USP24: variants seen among roughly 807,000 people sequenced by gnomAD.
The protein encoded by USP24 is ubiquitin carboxyl-terminal hydrolase 24.
Under a neutral mutation model 361.6 loss-of-function variants are expected in USP24, and 97 were observed. The ratio of observed to expected loss-of-function variants is 0.27; its 90% CI spans 0.23 to 0.32. USP24 has a LOEUF of 0.32. Among genes scored for constraint, USP24 ranks in the 10% least tolerant of loss-of-function variants. The pLI is 1.00. For synonymous variants in USP24, 1,098 were observed against 1,124.6 expected, an observed-to-expected ratio of 0.98 and a Z score of 0.47; for missense variants, 2,353 against 3,165.6, an observed-to-expected ratio of 0.74 and a Z score of 6.16.
At chr1:55,078,096 T>C (rs1261292903) in intron 61 of USP24, among the ~76,000 whole-genome samples, 1 of 152,184 alleles carries the variant, frequency 6.6e-6, no homozygotes, top group African/African-American at 2.4e-5. Flanking sequence ...CCACTATAAA[T>C]ACTGGTGCAT....
At chr1:55,139,269 A>G (rs1030980311) in intron 24 of USP24, among the ~76,000 whole-genome samples, 16 of 152,176 alleles carry the variant, frequency 1.1e-4, no homozygotes, top group African/African-American at 3.6e-4. Context: ...TCATTTCTTT[A>G]AACAGTTATT....
At chr1:55,196,232 T>C (rs921023425) in intron 1 of USP24, among the ~76,000 whole-genome samples, 2 of 152,188 alleles carry the variant, frequency 1.3e-5, no homozygotes, top group Admixed American at 6.6e-5. Flanking sequence ...TTGCTGGTTC[T>C]GCCTTACCAC....
intron 1 of USP24, among the ~76,000 whole-genome samples, chr1:55,194,810 G>A (rs1316622484): frequency 1.3e-5 from 2 of 151,884 alleles, no homozygotes; most frequent in Admixed American, 6.6e-5. Context: ...CTGTGTCCTC[G>A]TCCCAGCCAG....
chr1:55,119,180 T>C (rs1646206575), intron 38 of USP24, among the ~76,000 whole-genome samples: 1 of 152,366 alleles, frequency 6.6e-6, no homozygotes, highest in South Asian at 2.1e-4. Flanking sequence ...TGTTCATCTA[T>C]GGATGAATGG....
intron 1 of USP24, among the ~76,000 whole-genome samples, chr1:55,205,173 A>T (rs1007486985): frequency 1.3e-5 from 2 of 152,232 alleles, no homozygotes; most frequent in African/African-American, 2.4e-5. Flanking sequence ...TGGCCAAAAA[A>T]GGGGCTCTAA....
At chr1:55,134,801 G>A (rs1390088595) in intron 28 of USP24, among the ~76,000 whole-genome samples, 3 of 152,168 alleles carry the variant, frequency 2.0e-5, no homozygotes, top group Non-Finnish European at 4.4e-5. Context: ...AAAGTAGTGT[G>A]TTTATGTATC....
intron 57 of USP24, among the ~76,000 whole-genome samples, 190 bp from the exon 58 acceptor site, chr1:55,083,554 A>G (rs188590812): frequency 2.0e-3 from 307 of 152,266 alleles, no homozygotes; most frequent in African/African-American, 6.8e-3. Flanking sequence ...AATAACTACT[A>G]AACAATTAAC....
At chr1:55,137,354 G>A (rs180782420) in intron 28 of USP24, among the ~76,000 whole-genome samples, 161 bp downstream of exon 28, 1 of 152,312 alleles carries the variant, frequency 6.6e-6, no homozygotes, top group African/African-American at 2.4e-5. Context: ...GTAACTGAAG[G>A]TGTAAGTGGG....
In USP24 at chr1:55,215,063, G is replaced by A. The variant is rs535453127; in HGVS notation, c.51C>T (p.Phe17=). The A allele has an allele frequency of 4.6e-5, 67 of 1,458,160 alleles. No individual in the cohort carries two copies. In the Admixed American group the frequency reaches 1.3e-3, roughly 27 times the overall value. 90.3% of individuals were successfully genotyped at this position (1,458,160 alleles called of 1,614,324 possible). Residue 17 remains phenylalanine (F), a synonymous_variant, in exon 1 of 68, where the codon TTC becomes TTT. Coordinates refer to ENST00000294383, the MANE Select transcript of USP24 (RefSeq NM_015306.3). ...QHMTTLLCMG[F]SDPATIRKAL... is the part of the protein sequence containing the mutation. ...CCTTGCGGATGGTGGCGGGGTCTGA[G>A]AAGCCCATGCACAGCAGCGTGGTCA...
chr1:55,122,247 T>C (rs1646302465), intron 36 of USP24, among the ~76,000 whole-genome samples: 1 of 151,894 alleles, frequency 6.6e-6, no homozygotes, highest in South Asian at 2.1e-4. Flanking sequence ...TTATAGGTGG[T>C]TGGGGAATGT....
At chr1:55,079,793 T>TGAGTATTCTCACAGAGTACTCACACA in intron 59 of USP24, 134 bp from the exon 60 acceptor site, 3 of 1,051,220 alleles carry the variant, frequency 2.9e-6, no homozygotes, top group Non-Finnish European at 3.8e-6. Context: ...ACTCACACAC[T>TGAGTATTCTCACAGAGTACTCACACA]GAGTACTCAC....
rs373502911 is a variant in USP24 at position 55,148,541 on chromosome 1, T to C, written c.1890A>G (p.Val630=). 2.5e-5 allele frequency: 39 copies of C among 1,591,696 alleles called. No individual in the cohort carries two copies. The South Asian group carries it at 3.8e-4, about 15-fold the overall frequency. ...KSSQLNNPQF[V]WVVPALRQLH... is the part of the protein sequence containing the mutation. ...GCTGACGCAAAGCTGGTACCACCCA[T>C]ACAAACTGGGGATTATTAAGCTGAG... The change falls in exon 17 of 68, where the codon GTA becomes GTG. Residue 630 remains valine (V), a synonymous_variant. Coordinates refer to ENST00000294383, the MANE Select transcript of USP24 (RefSeq NM_015306.3).
rs1287737274 is a variant in USP24, at chr1:55,092,874, C to T, written c.6397G>A (p.Val2133Ile). 18 of 1,593,656 alleles carry T rather than the reference C, an allele frequency of 1.1e-5. No individual in the cohort carries two copies. In the Admixed American group the frequency reaches 1.3e-4, roughly 11 times the overall value. ...ENLKFMKNRDVYSSDYFSFVL... is the reference protein window; with the variant it reads ...ENLKFMKNRDIYSSDYFSFVL... ...AAACTGAAATAATCACTACTGTATA[C>T]ATCTCTATTCTTCATAAACTTGAGG... is the stretch of plus-strand genomic sequence containing the variant. Residue 2133 changes from valine (V) to isoleucine (I), a missense_variant, in exon 53 of 68, where the codon GTA (valine) becomes ATA (isoleucine). By Grantham distance (29) the Val-to-Ile change is conservative. Around this residue, in one of 8 missense-constraint regions of USP24, gnomAD observed 598 missense variants for 761.9 expected, o/e 0.78. Coordinates refer to ENST00000294383, the MANE Select transcript of USP24 (RefSeq NM_015306.3).
At chr1:55,099,377 C>T (rs555637181) in intron 45 of USP24, among the ~76,000 whole-genome samples, 46 of 151,962 alleles carry the variant, frequency 3.0e-4, no homozygotes, top group African/African-American at 8.0e-4. Flanking sequence ...GCCAACATGG[C>T]GAAACCCAAT....
At chr1:55,167,244 T>C (rs76698652) in intron 5 of USP24, among the ~76,000 whole-genome samples, 3,740 of 152,256 alleles carry the variant, frequency 0.025, 56 homozygotes, top group Non-Finnish European at 0.037. Context: ...GACCTTCCTC[T>C]ACTTGGGGTG....
chr1:55,078,462 C>A, intron 61 of USP24, 76 bp downstream of exon 61: 1 of 1,186,678 alleles, frequency 8.4e-7, no homozygotes, highest in Non-Finnish European at 1.2e-6. Flanking sequence ...AGCATACTGC[C>A]TTGGAGCAAA....
At chr1:55,083,725 A>G in intron 57 of USP24, 47 bp downstream of exon 57, 2 of 1,438,270 alleles carry the variant, frequency 1.4e-6, no homozygotes, top group Non-Finnish European at 1.9e-6. Flanking sequence ...TTTTTAGAGT[A>G]TAAATCTTCT....
intron 32 of USP24, among the ~76,000 whole-genome samples, chr1:55,126,295 T>C (rs1646426876): frequency 6.6e-6 from 1 of 152,236 alleles, no homozygotes; most frequent in Non-Finnish European, 1.5e-5. Flanking sequence ...TCTGAAAAGC[T>C]TTCTCCTGGG....
intron 60 of USP24, among the ~76,000 whole-genome samples, 163 bp from the exon 61 acceptor site, chr1:55,078,814 G>A (rs1259650533): frequency 6.6e-6 from 1 of 152,112 alleles, no homozygotes; most frequent in African/African-American, 2.4e-5. Flanking sequence ...ACTTCAGGGT[G>A]TCTAAGCCTG....
Sources: gnomAD v4.1 joint callset for allele counts (sites outside exome capture counted in the v4.1 genomes callset) on GRCh38, gnomAD v4.1.1 for gene constraint, gnomAD v4.1.1 regional missense constraint, MANE v1.5 for transcripts, NCBI Gene and HGNC (gene_info 2026-07-23, HGNC 2026-07-21) for gene names.